The following CDKL1 variants were observed in gnomAD, a reference collection of about 807,000 sequenced individuals.
The protein encoded by CDKL1 is cyclin-dependent kinase-like 1.
In CDKL1, 41 loss-of-function variants were observed where a neutral mutation model predicts 42.0. That is an observed-to-expected ratio of 0.98 (90% confidence interval 0.76 to 1.27). The LOEUF (loss-of-function observed/expected upper bound fraction) is 1.27, where lower values mean the gene tolerates loss of function less well. Among genes scored for constraint, CDKL1 ranks in the 50% most tolerant of loss-of-function variants. The probability of loss-of-function intolerance (pLI) is 0.00; values close to 1 mark genes in which losing one functional copy is unlikely to be tolerated. For missense variants in CDKL1, 394 were observed against 428.4 expected (o/e 0.92, Z 0.71); for synonymous variants, 153 against 158.6 (o/e 0.96, Z 0.26).
chr14:50,379,180 G>C (rs573523820), intron 2 of CDKL1, among the ~76,000 whole-genome samples: 17 of 152,302 alleles, frequency 1.1e-4, no homozygotes, highest in African/African-American at 4.1e-4. Context: ...TGCTGGCATA[G>C]CTCTTTGAAG....
intron 2 of CDKL1, among the ~76,000 whole-genome samples, chr14:50,366,690 G>A (rs2034445109): frequency 6.6e-6 from 1 of 152,230 alleles, no homozygotes. Context: ...TCGGTGAGAA[G>A]CATTGTCTTG....
At chr14:50,390,274 C>CA (rs775258175) in intron 2 of CDKL1, 7 of 1,366,452 alleles carry the variant, frequency 5.1e-6, no homozygotes, top group Non-Finnish European at 6.9e-6. Flanking sequence ...GCCCCCATAC[C>CA]ACCTGCCATA....
Position 50,340,275 on chromosome 14 carries a change from C to T in CDKL1, c.655+757G>A, listed in dbSNP as rs778899416. 5.3e-5 allele frequency among the ~76,000 whole-genome samples: 8 copies of T among 152,256 alleles called. No homozygotes were observed. In the South Asian group the frequency reaches 6.2e-4, roughly 12 times the overall value. ...GTGGAGGGTAAGTAGAAATATAAGACGTGGTCTCACCATCAGGAAGTTTAC... is the reference window on the plus strand; with the variant it reads ...GTGGAGGGTAAGTAGAAATATAAGATGTGGTCTCACCATCAGGAAGTTTAC... On this transcript the variant is annotated intron_variant, in intron 6 of 9. Coordinates refer to ENST00000395834, the MANE Select transcript of CDKL1 (RefSeq NM_004196.7).
At position 50,394,689 on chromosome 14, in the gene CDKL1, A is replaced by C. The variant is rs2035348843; in HGVS notation, c.168+1012T>G. Reference sequence around the variant, plus strand: ...AAAGTTGACCTCCACCATATTCATTACATGTCACCTTTCACATTGCGATTT... The same window carrying C: ...AAAGTTGACCTCCACCATATTCATTCCATGTCACCTTTCACATTGCGATTT... On this transcript the variant is annotated intron_variant, in intron 2 of 9. Transcript: ENST00000395834. Among the ~76,000 whole-genome samples, 7 of 152,268 alleles carry C rather than the reference A, an allele frequency of 4.6e-5. No homozygotes were observed. The South Asian group carries it at 1.4e-3, about 31-fold the overall frequency.
intron 2 of CDKL1, chr14:50,362,165 T>TACC: frequency 4.6e-6 from 1 of 216,072 alleles, no homozygotes; most frequent in South Asian, 3.4e-5. Flanking sequence ...GAGCCTCCCC[T>TACC]CCCCACCCCC....
intron 2 of CDKL1, among the ~76,000 whole-genome samples, chr14:50,394,489 T>C (rs1248335145): frequency 6.6e-6 from 1 of 152,216 alleles, no homozygotes; most frequent in African/African-American, 2.4e-5. Flanking sequence ...TATCTAGAAG[T>C]GACCCCACAC....
intron 2 of CDKL1, among the ~76,000 whole-genome samples, chr14:50,392,590 T>C (rs1472600165): frequency 1.3e-5 from 2 of 151,872 alleles, no homozygotes; most frequent in Non-Finnish European, 2.9e-5. Context: ...AAAGGCTGGG[T>C]ACACCAAGCT....
At position 50,395,914 on chromosome 14, in the gene CDKL1, G is replaced by C. The variant is rs371798936; in HGVS notation, c.-46C>G. On this transcript the variant is annotated 5_prime_UTR_variant, in exon 2 of 10. Coordinates refer to ENST00000395834, the MANE Select transcript of CDKL1 (RefSeq NM_004196.7). ...TAAAATGGATCTTCAGCCGAGAATG[G>C]TGGCTCACGCCTGTAATCCCAGCAC... The C allele has an allele frequency of 7.8e-5, 123 of 1,584,690 alleles. No homozygotes were observed. Among genetic ancestry groups the C allele is most frequent in the Non-Finnish European group, 1.0e-4 (119 of 1,154,444 alleles).
chr14:50,357,194 T>G (rs754889676), intron 3 of CDKL1: 10 of 151,992 alleles, frequency 6.6e-5, no homozygotes, highest in Non-Finnish European at 1.5e-4. Context: ...TGAAGGGAGG[T>G]GTCTGTCCTC....
intron 3 of CDKL1, 54 bp from the exon 4 acceptor site, chr14:50,345,112 G>A: frequency 6.5e-7 from 1 of 1,534,682 alleles, no homozygotes; most frequent in Non-Finnish European, 8.9e-7. Flanking sequence ...ATGGAATTCA[G>A]CTCAAGAAAA....
At position 50,363,647 on chromosome 14, in the gene CDKL1, T is replaced by G. The variant is rs11570802; in HGVS notation, c.169-4498A>C. Among the ~76,000 whole-genome samples the G allele has an allele frequency of 2.3e-3, 344 of 152,312 alleles. 1 individual carries two copies. The highest frequency in any genetic ancestry group is 7.7e-3 in the African/African-American group (318 of 41,556). The stretch of plus-strand genomic sequence containing the variant: ...CTCTTTCCATTTTCCACATTCCATA[T>G]TTAGTCCTCATGTCTCCAGCTGGCT... On this transcript the variant is annotated intron_variant, in intron 2 of 9. Transcript: ENST00000395834.
intron 3 of CDKL1, 112 bp downstream of exon 3, chr14:50,358,916 T>C: frequency 3.9e-6 from 4 of 1,028,834 alleles, no homozygotes; most frequent in East Asian, 2.5e-5. Context: ...CTGGGATTAC[T>C]GGCATGAGCC....
chr14:50,362,980 A>G (rs1294415703), intron 2 of CDKL1: 2 of 465,880 alleles, frequency 4.3e-6, no homozygotes, highest in African/African-American at 4.0e-5. Context: ...GCACTGCTGT[A>G]ACACTTATGG....
intron 3 of CDKL1, among the ~76,000 whole-genome samples, chr14:50,351,304 C>G (rs1367092965): frequency 6.6e-6 from 1 of 151,388 alleles, no homozygotes; most frequent in East Asian, 1.9e-4. Flanking sequence ...AGCTGGACAG[C>G]AGGTCTTGAG....
intron 2 of CDKL1, among the ~76,000 whole-genome samples, chr14:50,385,461 T>G (rs566381939): frequency 4.6e-5 from 7 of 152,028 alleles, no homozygotes; most frequent in Non-Finnish European, 8.8e-5. Context: ...AAAGATGAAA[T>G]AAGAGAATAA....
intron 2 of CDKL1, among the ~76,000 whole-genome samples, chr14:50,385,828 T>G (rs1254368946): frequency 1.4e-5 from 2 of 142,700 alleles, no homozygotes; most frequent in Non-Finnish European, 3.0e-5. Context: ...AAAAAAGTCA[T>G]GGCAATGTAC....
At position 50,330,051 on chromosome 14, in the gene CDKL1, T is replaced by TAAAA; in HGVS notation, c.*19_*22dup. On this transcript the variant is annotated 3_prime_UTR_variant, in exon 10 of 10. Coordinates refer to ENST00000395834, the MANE Select transcript of CDKL1 (RefSeq NM_004196.7). ...TCAAAGCATCTATTGATTCCTTTTTTAAAATCATGTCTCCTAGCTCCTTTA... is the reference window on the plus strand; with the variant it reads ...TCAAAGCATCTATTGATTCCTTTTTTAAAAAAAATCATGTCTCCTAGCTCCTTTA... The TAAAA allele has an allele frequency of 6.2e-7, 1 of 1,602,012 alleles. No individual in the cohort carries two copies. Among genetic ancestry groups the TAAAA allele is most frequent in the Non-Finnish European group, 8.5e-7 (1 of 1,177,336 alleles).
chr14:50,395,144 T>C (rs532478032), intron 2 of CDKL1, among the ~76,000 whole-genome samples: 1 of 152,360 alleles, frequency 6.6e-6, no homozygotes, highest in South Asian at 2.1e-4. Flanking sequence ...CTTAATAGAC[T>C]GAGTATACCA....
At chr14:50,384,542 C>T (rs968754417) in intron 2 of CDKL1, among the ~76,000 whole-genome samples, 1 of 151,308 alleles carries the variant, frequency 6.6e-6, no homozygotes, top group Non-Finnish European at 1.5e-5. Context: ...TGGAAGGAGC[C>T]GCAAATGCTA....
Sources: allele counts gnomAD v4.1 joint callset (sites outside exome capture counted in the v4.1 genomes callset), GRCh38; gene constraint gnomAD v4.1.1; transcripts MANE v1.5; gene names NCBI Gene and HGNC (gene_info 2026-07-23, HGNC 2026-07-21).